MTUS2: variants seen among roughly 807,000 people sequenced by gnomAD.
MTUS2 encodes the protein microtubule associated scaffold protein 2.
MTUS2 carries 40 observed loss-of-function variants against 114.1 expected under a neutral mutation model. That is an observed-to-expected ratio of 0.35 (90% CI 0.27 to 0.46). The LOEUF is 0.46. Among genes scored for constraint, MTUS2 ranks in the 20% least tolerant of loss-of-function variants. MTUS2 has a pLI of 1.00. For synonymous variants in MTUS2, 688 were observed against 672.0 expected (o/e 1.02, Z -0.37); for missense variants, 1,679 against 1,705.4 (o/e 0.98, Z 0.27).
chr13:29,398,711 A>T (rs1281143287), intron 8 of MTUS2, among the ~76,000 whole-genome samples: 1 of 152,154 alleles, frequency 6.6e-6, no homozygotes, highest in Non-Finnish European at 1.5e-5. Context: ...GGTTTCCCAC[A>T]CATAAAGTGC....
At chr13:29,222,448 T>G (rs1895944585) in intron 5 of MTUS2, among the ~76,000 whole-genome samples, 1 of 152,254 alleles carries the variant, frequency 6.6e-6, no homozygotes, top group Non-Finnish European at 1.5e-5. Context: ...TATATTAAAA[T>G]TATTCTTCGA....
At chr13:28,984,018 T>C (rs1334441631) in intron 2 of MTUS2, among the ~76,000 whole-genome samples, 1 of 152,222 alleles carries the variant, frequency 6.6e-6, no homozygotes, top group Non-Finnish European at 1.5e-5. Context: ...TTTCTTTACC[T>C]GTTTCCAGCT....
intron 9 of MTUS2, among the ~76,000 whole-genome samples, chr13:29,458,779 A>G (rs1006065409): frequency 5.3e-5 from 8 of 152,222 alleles, no homozygotes; most frequent in Admixed American, 2.6e-4. Context: ...TTCTCCTCCT[A>G]TATGCCTATG....
intron 2 of MTUS2, among the ~76,000 whole-genome samples, chr13:28,891,449 A>T (rs1878916561): frequency 6.6e-6 from 1 of 152,212 alleles, no homozygotes; most frequent in African/African-American, 2.4e-5. Context: ...ACATATTGAA[A>T]AAAGGCAGAA....
At position 28,945,218 on chromosome 13, in the gene MTUS2, C is replaced by T. The variant is rs1199748746; in HGVS notation, c.-242-79239C>T. Reference sequence around the variant, plus strand: ...ATACACCACATTTTCTTTATCCAGTCGTCTGCTGATGGACACTTAGGTTGA... The same window carrying T: ...ATACACCACATTTTCTTTATCCAGTTGTCTGCTGATGGACACTTAGGTTGA... On this transcript the variant is annotated intron_variant, in intron 2 of 15. Coordinates refer to ENST00000612955, the MANE Select transcript of MTUS2 (RefSeq NM_001033602.4). 3.3e-5 allele frequency among the ~76,000 whole-genome samples: 5 copies of T among 149,856 alleles called. No homozygotes were observed. The East Asian group carries it at 7.7e-4, about 23-fold the overall frequency.
chr13:29,213,668 T>A (rs1443517847), intron 5 of MTUS2, among the ~76,000 whole-genome samples: 1 of 152,218 alleles, frequency 6.6e-6, no homozygotes, highest in Non-Finnish European at 1.5e-5. Context: ...TCTCTTAGTT[T>A]CAGCATGGAA....
intron 5 of MTUS2, among the ~76,000 whole-genome samples, chr13:29,150,896 C>T (rs1327022363): frequency 6.6e-6 from 1 of 152,094 alleles, no homozygotes; most frequent in African/African-American, 2.4e-5. Context: ...GTGTTCCATT[C>T]GTCTACATGT....
At chr13:28,967,101 C>G (rs766967527) in intron 2 of MTUS2, among the ~76,000 whole-genome samples, 6 of 152,216 alleles carry the variant, frequency 3.9e-5, no homozygotes, top group Non-Finnish European at 8.8e-5. Context: ...ACTATACTTG[C>G]AATGTGTGAG....
chr13:29,439,534 T>A (rs1877672130), intron 8 of MTUS2, among the ~76,000 whole-genome samples: 1 of 152,226 alleles, frequency 6.6e-6, no homozygotes, highest in Non-Finnish European at 1.5e-5. Context: ...GCTAATCATG[T>A]ATGGACAAAA....
chr13:29,027,537 GT>G (rs1886613679), intron 3 of MTUS2, among the ~76,000 whole-genome samples: 3 of 152,018 alleles, frequency 2.0e-5, no homozygotes, highest in Admixed American at 6.5e-5. Flanking sequence ...TTTTTTGTTT[GT>G]TTATGTTTTT....
intron 5 of MTUS2, among the ~76,000 whole-genome samples, chr13:29,243,839 A>G (rs1896815083): frequency 6.6e-6 from 1 of 152,222 alleles, no homozygotes; most frequent in Non-Finnish European, 1.5e-5. Context: ...TACAATTTGT[A>G]TAGCTCCCTA....
chr13:29,367,179 G>A (rs1453858223), intron 8 of MTUS2, among the ~76,000 whole-genome samples: 1 of 152,040 alleles, frequency 6.6e-6, no homozygotes, highest in Non-Finnish European at 1.5e-5. Context: ...GGGTACCTGG[G>A]GTAGGGGCGC....
intron 5 of MTUS2, among the ~76,000 whole-genome samples, chr13:29,254,828 G>C (rs541285354): frequency 8.5e-4 from 130 of 152,210 alleles, no homozygotes; most frequent in Non-Finnish European, 4.3e-4. Flanking sequence ...TCATCTTTTT[G>C]TACTCTTGAT....
chr13:29,443,552 C>T (rs61423727), intron 9 of MTUS2, among the ~76,000 whole-genome samples: 6,402 of 152,314 alleles, frequency 0.042, 426 homozygotes, highest in African/African-American at 0.15. Context: ...GCAGCACCAC[C>T]GCCTGGTTCC....
chr13:29,036,837 T>TTTC (rs1291670866), intron 4 of MTUS2, among the ~76,000 whole-genome samples: 3 of 588 alleles, frequency 5.1e-3, no homozygotes, highest in East Asian at 0.043. Flanking sequence ...AACCCTTGTC[T>TTTC]TTTTTTTTGG....
Position 28,827,399 on chromosome 13 carries a change from T to C in MTUS2, c.-316+6788T>C, listed in dbSNP as rs145871767. Among the ~76,000 whole-genome samples, 38 of 152,360 alleles carry C rather than the reference T, an allele frequency of 2.5e-4. 1 individual carries two copies. The Middle Eastern group carries it at 0.014, about 55-fold the overall frequency. ...CCACTACTAGCAGATTTTGAAGTTA[T>C]TTTAATATAAATACATTGTCCTCTA... is the stretch of plus-strand genomic sequence containing the variant. On this transcript the variant is annotated intron_variant, in intron 1 of 15. Transcript: ENST00000612955.
chr13:29,504,125 G>A lies in MTUS2; in HGVS notation c.*919G>A, dbSNP rs551468298. 27 of 232,140 alleles carry A rather than the reference G, an allele frequency of 1.2e-4. No homozygotes were observed. The highest frequency in any genetic ancestry group is 2.6e-4 in the African/African-American group (12 of 45,370). 14.4% of individuals were successfully genotyped at this position (232,140 alleles called of 1,614,324 possible). On this transcript the variant is annotated 3_prime_UTR_variant, in exon 16 of 16. Transcript: ENST00000612955. ...GAGCATGACCTTTGAGTAAGAGTGA[G>A]GATGACCTTGCAGATGACTGTGCCC...
chr13:29,360,688 ACCC>A (rs57156729), intron 8 of MTUS2, among the ~76,000 whole-genome samples: 5,200 of 87,178 alleles, frequency 0.06, 373 homozygotes, highest in African/African-American at 0.17. Flanking sequence ...GTAGCCGAAC[ACCC>A]CCCCCCCCCC....
intron 2 of MTUS2, among the ~76,000 whole-genome samples, chr13:28,932,562 G>A (rs1881674686): frequency 6.6e-6 from 1 of 152,160 alleles, no homozygotes; most frequent in Non-Finnish European, 1.5e-5. Flanking sequence ...CAATAAAAAT[G>A]TGCCCTGGAG....
Sources: allele counts gnomAD v4.1 joint callset (sites outside exome capture counted in the v4.1 genomes callset), GRCh38; gene constraint gnomAD v4.1.1; transcripts MANE v1.5; gene names NCBI Gene and HGNC (gene_info 2026-07-23, HGNC 2026-07-21).